PRSS3: variants seen among roughly 807,000 people sequenced by gnomAD.
The protein encoded by PRSS3 is serine protease 3, also known as trypsin-3.
PRSS3 carries 14 observed loss-of-function variants against 20.8 expected under a neutral mutation model. The ratio of observed to expected loss-of-function variants is 0.67; its 90% confidence interval spans 0.44 to 1.05. PRSS3 has a LOEUF of 1.05. Ranked by LOEUF, PRSS3 falls within the 50% of genes least tolerant of loss-of-function variation. The pLI is 0.00. For missense variants in PRSS3, 237 were observed against 306.4 expected, an observed-to-expected ratio of 0.77 and a Z score of 1.69; for synonymous variants, 91 against 117.6, an observed-to-expected ratio of 0.77 and a Z score of 1.46.
At chr9:33,778,731 G>A (rs1484143581) in intron 1 of PRSS3, among the ~76,000 whole-genome samples, 1 of 152,162 alleles carries the variant, frequency 6.6e-6, no homozygotes, top group Admixed American at 6.5e-5. Context: ...TGCCTCAGGA[G>A]TCCCCTGCAG....
intron 1 of PRSS3, among the ~76,000 whole-genome samples, chr9:33,782,515 C>T (rs897650461): frequency 6.6e-6 from 1 of 152,172 alleles, no homozygotes; most frequent in Non-Finnish European, 1.5e-5. Flanking sequence ...GCTCCTGACA[C>T]TCTAGAATAA....
chr9:33,789,104 A>G (rs1824525260), intron 1 of PRSS3, among the ~76,000 whole-genome samples: 1 of 152,162 alleles, frequency 6.6e-6, no homozygotes, highest in African/African-American at 2.4e-5. Flanking sequence ...ATCTACTGGG[A>G]ATTCTTATCT....
intron 1 of PRSS3, among the ~76,000 whole-genome samples, chr9:33,788,316 C>A (rs1371433906): frequency 6.6e-6 from 1 of 152,190 alleles, no homozygotes; most frequent in East Asian, 1.9e-4. Context: ...ACCCCCTCTT[C>A]TTCTTTTGAA....
intron 2 of PRSS3, among the ~76,000 whole-genome samples, chr9:33,797,616 C>T (rs956826972): frequency 6.6e-6 from 1 of 152,272 alleles, no homozygotes; most frequent in African/African-American, 2.4e-5. Flanking sequence ...GACTCTTCCC[C>T]ACCCCACTAC....
chr9:33,773,218 G>C (rs182384311), intron 1 of PRSS3, among the ~76,000 whole-genome samples: 20 of 150,750 alleles, frequency 1.3e-4, no homozygotes, highest in African/African-American at 4.1e-4. Flanking sequence ...TCAAATGAGA[G>C]AGAGAGAGAG....
At chr9:33,774,724 G>A (rs559597671) in intron 1 of PRSS3, among the ~76,000 whole-genome samples, 2 of 152,204 alleles carry the variant, frequency 1.3e-5, no homozygotes, top group African/African-American at 2.4e-5. Flanking sequence ...AGTGGCTCAC[G>A]CCTGTAATCC....
intron 1 of PRSS3, among the ~76,000 whole-genome samples, chr9:33,783,831 AG>A (rs1159136047): frequency 3.3e-5 from 5 of 150,116 alleles, no homozygotes; most frequent in Non-Finnish European, 7.4e-5. Context: ...CGGAGCTTGC[AG>A]TGAGCCGGGA....
upstream of PRSS3, among the ~76,000 whole-genome samples, chr9:33,790,939 G>T (rs1824606343): frequency 6.6e-6 from 1 of 152,184 alleles, no homozygotes. Flanking sequence ...GATAATCTAA[G>T]CCCATAAGAA....
chr9:33,750,859 G>A lies in PRSS3; in HGVS notation c.-53+132G>A. 1 of 1,382,062 alleles carries A rather than the reference G, an allele frequency of 7.2e-7. No individual in the cohort carries two copies. The highest frequency in any genetic ancestry group is 1.7e-5 in the South Asian group (1 of 59,472). 85.6% of individuals were successfully genotyped at this position (1,382,062 alleles called of 1,614,324 possible). A position where few individuals can be genotyped will look rare whatever the true frequency, so the allele number is the denominator to read the frequency against. On this transcript the variant is annotated intron_variant, in intron 1 of 5. Coordinates refer to the PRSS3 transcript ENST00000342836. The surrounding 1 kb of genome is among the most constrained non-coding windows in gnomAD (Gnocchi z 4.8). ...ATGGGACCTGCGGGGGAGGGTACGC[G>A]GACAGGGAGGGGATACCGACTGGGA... is the stretch of plus-strand genomic sequence containing the variant.
intron 1 of PRSS3, among the ~76,000 whole-genome samples, chr9:33,789,310 A>G (rs1184135534): frequency 6.6e-6 from 1 of 152,236 alleles, no homozygotes; most frequent in Non-Finnish European, 1.5e-5. Flanking sequence ...GGGGCGCTAC[A>G]GACCTAATAT....
At chr9:33,777,983 A>G (rs1824015872) in intron 1 of PRSS3, among the ~76,000 whole-genome samples, 1 of 152,128 alleles carries the variant, frequency 6.6e-6, no homozygotes, top group Non-Finnish European at 1.5e-5. Context: ...ATCAAAACAG[A>G]ATCCAAAAAT....
At chr9:33,752,403 A>T (rs1822738315) in intron 1 of PRSS3, among the ~76,000 whole-genome samples, 2 of 152,238 alleles carry the variant, frequency 1.3e-5, no homozygotes, top group South Asian at 4.1e-4. Flanking sequence ...GGGTGAGGAC[A>T]GTTTCACCAC....
upstream of PRSS3, chr9:33,795,480 A>C (rs1386197705): frequency 3.2e-6 from 5 of 1,538,864 alleles, no homozygotes; most frequent in Admixed American, 8.4e-5. Flanking sequence ...GCTGGGAAGA[A>C]CTGTGACCCT....
intron 1 of PRSS3, among the ~76,000 whole-genome samples, chr9:33,768,561 A>C (rs983737071): frequency 6.6e-6 from 1 of 150,754 alleles, no homozygotes; most frequent in African/African-American, 2.4e-5. Context: ...AGAGCTGTAG[A>C]GAAAGCACCT....
intron 2 of PRSS3, 57 bp downstream of exon 2, chr9:33,796,859 G>A (rs1824979996): frequency 6.2e-7 from 1 of 1,613,538 alleles, no homozygotes; most frequent in Admixed American, 1.7e-5. Flanking sequence ...GGAGAGCTTG[G>A]CTTCAGCCCA....
At chr9:33,767,004 G>A (rs1164304092) in intron 1 of PRSS3, among the ~76,000 whole-genome samples, 6 of 151,052 alleles carry the variant, frequency 4.0e-5, no homozygotes, top group South Asian at 2.1e-4. Flanking sequence ...AATAAAGTAC[G>A]GAGAACCATC....
At chr9:33,786,124 G>C (rs1824400500) in intron 1 of PRSS3, 3 of 347,196 alleles carry the variant, frequency 8.6e-6, no homozygotes, top group Non-Finnish European at 1.6e-5. Flanking sequence ...TTAGAGGAGA[G>C]AAACAGAGCG....
At chr9:33,786,392 T>A in intron 1 of PRSS3, 1 of 655,746 alleles carries the variant, frequency 1.5e-6, no homozygotes, top group South Asian at 1.8e-5. Context: ...CATAACAGAG[T>A]AATTGTCGGC....
At chr9:33,781,648 A>G (rs565754267) in intron 1 of PRSS3, among the ~76,000 whole-genome samples, 8 of 152,352 alleles carry the variant, frequency 5.3e-5, no homozygotes, top group Non-Finnish European at 1.0e-4. Flanking sequence ...ATATAAAATA[A>G]AAGTGGGAAT....
Sources: allele counts gnomAD v4.1 joint callset (sites outside exome capture counted in the v4.1 genomes callset), GRCh38; gene constraint gnomAD v4.1.1; non-coding constraint Gnocchi (gnomAD v3.1); transcripts MANE v1.5; gene names NCBI Gene and HGNC (gene_info 2026-07-23, HGNC 2026-07-21).